The following CRACR2A variants were observed in gnomAD, a reference collection of about 807,000 sequenced individuals.
CRACR2A encodes the protein EF-hand calcium-binding domain-containing protein 4B.
A neutral mutation model predicts 90.5 loss-of-function variants in CRACR2A; 79 were observed. The observed-to-expected ratio is 0.87, with a 90% CI of 0.73 to 1.05. The LOEUF (loss-of-function observed/expected upper bound fraction) is 1.05. Among genes scored for constraint, CRACR2A ranks in the 50% least tolerant of loss-of-function variants. The pLI is 0.00. For missense variants in CRACR2A, 823 were observed against 897.2 expected (o/e 0.92, Z 1.06); for synonymous variants, 338 against 356.7 (o/e 0.95, Z 0.59).
intron 1 of CRACR2A, among the ~76,000 whole-genome samples, chr12:3,739,997 A>G (rs1477856235): frequency 2.0e-5 from 3 of 152,022 alleles, no homozygotes; most frequent in Non-Finnish European, 4.4e-5. Context: ...TTCTAGATGA[A>G]CTCACAATTT....
At chr12:3,701,719 A>G (rs1219631689) in intron 3 of CRACR2A, among the ~76,000 whole-genome samples, 3 of 152,194 alleles carry the variant, frequency 2.0e-5, no homozygotes, top group Non-Finnish European at 4.4e-5. Context: ...CGCATAGCTA[A>G]ATTGATGAAT....
At chr12:3,623,984 G>C (rs61907750) in intron 17 of CRACR2A, among the ~76,000 whole-genome samples, 4,564 of 152,270 alleles carry the variant, frequency 0.03, 93 homozygotes, top group Non-Finnish European at 0.047. Context: ...AGAAATTTAG[G>C]GGCCAGGAGG....
At chr12:3,672,501 T>C (rs1374959116) in intron 7 of CRACR2A, among the ~76,000 whole-genome samples, 1 of 152,258 alleles carries the variant, frequency 6.6e-6, no homozygotes, top group African/African-American at 2.4e-5. Context: ...GGGCCTCCTC[T>C]GTATATGCTT....
chr12:3,660,868 ACACACACACACACACACAC>A (rs1227976621), intron 7 of CRACR2A, among the ~76,000 whole-genome samples: 43 of 146,664 alleles, frequency 2.9e-4, no homozygotes, highest in African/African-American at 8.2e-4. Context: ...ACACACACAC[ACACACACACACACACACAC>A]AATTTTGGCC....
intron 1 of CRACR2A, 67 bp downstream of exon 1, chr12:3,752,948 G>C (rs1946732239): frequency 6.6e-6 from 1 of 152,552 alleles, no homozygotes; most frequent in African/African-American, 2.4e-5. Flanking sequence ...CGCAGCCGGA[G>C]GAGCAGGCAG....
chr12:3,619,350 G>A lies in CRACR2A; in HGVS notation c.1955C>T (p.Pro652Leu), dbSNP rs1323314069. Residue 652 changes from proline (P) to leucine (L), a missense_variant, in exon 18 of 20, where the codon CCT (proline) becomes CTT (leucine). Pro to Leu is a moderately conservative substitution (Grantham distance 98). Coordinates refer to ENST00000440314, the MANE Select transcript of CRACR2A (RefSeq NM_001144958.2). ...AAGCTTATTACCCAGCAGAAGAACA[G>A]GCACCCGGTCTCCCACAGCTTCCTG... ...SVEEAVGDRV[P>L]VLLLGNKLDN... The A allele has an allele frequency of 6.4e-7, 1 of 1,551,672 alleles. No homozygotes were observed.
At chr12:3,619,215 C>T in intron 18 of CRACR2A, 56 bp downstream of exon 18, 2 of 1,461,258 alleles carry the variant, frequency 1.4e-6, no homozygotes, top group Non-Finnish European at 1.9e-6. Context: ...GGGCACTTGC[C>T]CAACTTCCCT....
chr12:3,678,717 C>A (rs544207836), intron 6 of CRACR2A, among the ~76,000 whole-genome samples, 198 bp downstream of exon 6: 1 of 152,168 alleles, frequency 6.6e-6, no homozygotes, highest in East Asian at 1.9e-4. Flanking sequence ...ATGTAAACAG[C>A]AGAGACAGAG....
intron 6 of CRACR2A, among the ~76,000 whole-genome samples, chr12:3,674,897 C>T (rs1945312294): frequency 6.6e-6 from 1 of 152,116 alleles, no homozygotes; most frequent in South Asian, 2.1e-4. Flanking sequence ...AATATAAGTC[C>T]TTCACCTCCT....
chr12:3,743,696 A>G (rs1017740873), intron 1 of CRACR2A, among the ~76,000 whole-genome samples: 1 of 152,220 alleles, frequency 6.6e-6, no homozygotes, highest in African/African-American at 2.4e-5. Flanking sequence ...CAGGCATTTG[A>G]CAAATTATCT....
At chr12:3,750,137 C>T (rs11062787) in intron 1 of CRACR2A, among the ~76,000 whole-genome samples, 2 of 150,356 alleles carry the variant, frequency 1.3e-5, no homozygotes, top group Middle Eastern at 3.2e-3. Flanking sequence ...GGTTTTGCCA[C>T]GTTGGCCAGG....
intron 4 of CRACR2A, among the ~76,000 whole-genome samples, chr12:3,691,617 T>G (rs1189407136): frequency 6.6e-6 from 1 of 152,212 alleles, no homozygotes; most frequent in African/African-American, 2.4e-5. Context: ...TTATGTGTTT[T>G]GAGGATTGAG....
chr12:3,676,988 T>A (rs1419528535), intron 6 of CRACR2A, among the ~76,000 whole-genome samples: 1 of 152,012 alleles, frequency 6.6e-6, no homozygotes. Context: ...AAGGGACAAG[T>A]CTTTCAACTT....
At chr12:3,625,809 G>C (rs1944247000) in intron 17 of CRACR2A, among the ~76,000 whole-genome samples, 1 of 151,818 alleles carries the variant, frequency 6.6e-6, no homozygotes, top group Non-Finnish European at 1.5e-5. Flanking sequence ...CCAAGGAAGA[G>C]AGTCTGGAAA....
At chr12:3,710,147 A>G (rs1945986810) in intron 3 of CRACR2A, among the ~76,000 whole-genome samples, 1 of 152,120 alleles carries the variant, frequency 6.6e-6, no homozygotes, top group Non-Finnish European at 1.5e-5. Context: ...CAGGACCACT[A>G]CTACTTCTTT....
intron 17 of CRACR2A, among the ~76,000 whole-genome samples, chr12:3,621,264 G>A (rs1944123362): frequency 6.6e-6 from 1 of 152,126 alleles, no homozygotes; most frequent in Admixed American, 6.5e-5. Flanking sequence ...CGCTTGCAGA[G>A]GGGATGATGG....
At chr12:3,680,147 GC>G (rs1380339058) in intron 5 of CRACR2A, 90 bp downstream of exon 5, 2 of 1,038,466 alleles carry the variant, frequency 1.9e-6, no homozygotes, top group Non-Finnish European at 2.9e-6. Flanking sequence ...TTTACTACCT[GC>G]CCCCCAGGTC....
intron 19 of CRACR2A, 46 bp downstream of exon 19, chr12:3,616,908 C>A (rs781510206): frequency 8.8e-5 from 127 of 1,444,228 alleles, no homozygotes; most frequent in Non-Finnish European, 2.7e-5. Flanking sequence ...AAGGCAGACA[C>A]AGCTGGACAC....
intron 3 of CRACR2A, 51 bp downstream of exon 3, chr12:3,713,186 G>C: frequency 9.8e-6 from 9 of 914,400 alleles, no homozygotes; most frequent in Non-Finnish European, 1.2e-5. Context: ...GGTCTGGGGT[G>C]GGGGCAGATC....
Sources: gnomAD v4.1 joint callset for allele counts (sites outside exome capture counted in the v4.1 genomes callset) on GRCh38, gnomAD v4.1.1 for gene constraint, MANE v1.5 for transcripts, NCBI Gene and HGNC (gene_info 2026-07-23, HGNC 2026-07-21) for gene names.